The following KCNMA1 variants were observed in gnomAD, a reference collection of about 807,000 sequenced individuals.
KCNMA1 encodes potassium calcium-activated channel subfamily M alpha 1.
KCNMA1 carries 29 observed loss-of-function variants against 140.0 expected under a neutral mutation model. The observed-to-expected ratio is 0.21, with a 90% CI of 0.15 to 0.28. KCNMA1 has a LOEUF of 0.28. Ranked by LOEUF, KCNMA1 falls within the 10% of genes least tolerant of loss-of-function variation. KCNMA1 has a pLI of 1.00. For synonymous variants in KCNMA1, 612 were observed against 611.9 expected, an observed-to-expected ratio of 1.00 and a Z score of 0.00; for missense variants, 880 against 1,602.2, an observed-to-expected ratio of 0.55 and a Z score of 7.70.
chr10:77,248,140 T>C (rs186064644), intron 3 of KCNMA1, among the ~76,000 whole-genome samples: 1 of 152,346 alleles, frequency 6.6e-6, no homozygotes, highest in East Asian at 1.9e-4. Flanking sequence ...AATGATGACC[T>C]TTCTCTGAGC....
At chr10:77,066,882 A>T (rs2095973983) in intron 14 of KCNMA1, among the ~76,000 whole-genome samples, 1 of 152,098 alleles carries the variant, frequency 6.6e-6, no homozygotes, top group Non-Finnish European at 1.5e-5. Flanking sequence ...AGCCACCTCA[A>T]TCCCAGCCTT....
intron 2 of KCNMA1, among the ~76,000 whole-genome samples, chr10:77,278,981 T>A (rs1322746859): frequency 6.6e-6 from 1 of 152,162 alleles, no homozygotes; most frequent in Non-Finnish European, 1.5e-5. Flanking sequence ...ATAGGAATAG[T>A]CCATTTTAGA....
At chr10:77,413,119 A>G (rs968490091) in intron 1 of KCNMA1, among the ~76,000 whole-genome samples, 1 of 152,022 alleles carries the variant, frequency 6.6e-6, no homozygotes, top group Non-Finnish European at 1.5e-5. Context: ...CAGCCTCCCA[A>G]AGTGCTAGGA....
chr10:77,212,452 G>A (rs2046379745), intron 3 of KCNMA1, among the ~76,000 whole-genome samples: 1 of 152,050 alleles, frequency 6.6e-6, no homozygotes, highest in East Asian at 1.9e-4. Flanking sequence ...TACTAGAGAG[G>A]GGAGGGAAAG....
intron 1 of KCNMA1, chr10:77,635,920 C>T (rs146317163): frequency 2.9e-4 from 47 of 161,726 alleles, no homozygotes; most frequent in African/African-American, 1.1e-3. Context: ...GAGAGACAGG[C>T]TCCTTCCCCC....
At chr10:77,487,644 C>T (rs542691988) in intron 1 of KCNMA1, among the ~76,000 whole-genome samples, 2 of 152,254 alleles carry the variant, frequency 1.3e-5, no homozygotes, top group African/African-American at 4.8e-5. Flanking sequence ...TTCCTTGAGG[C>T]AATTTTTCTC....
At chr10:77,401,962 A>G (rs2096282666) in intron 2 of KCNMA1, among the ~76,000 whole-genome samples, 1 of 152,222 alleles carries the variant, frequency 6.6e-6, no homozygotes, top group Non-Finnish European at 1.5e-5. Context: ...TGTTTTCTCC[A>G]GAGCTGAAAC....
intron 5 of KCNMA1, among the ~76,000 whole-genome samples, chr10:77,122,057 T>A (rs2097613990): frequency 6.6e-6 from 1 of 152,178 alleles, no homozygotes; most frequent in Non-Finnish European, 1.5e-5. Context: ...GACAGACAAC[T>A]CCACGCCCGT....
chr10:76,974,977 G>A (rs983504353), intron 19 of KCNMA1, among the ~76,000 whole-genome samples: 1 of 152,080 alleles, frequency 6.6e-6, no homozygotes, highest in African/African-American at 2.4e-5. Flanking sequence ...TCAATCCTTG[G>A]TGATAAACTT....
intron 12 of KCNMA1, among the ~76,000 whole-genome samples, chr10:77,080,651 G>A (rs186103491): frequency 1.4e-3 from 215 of 152,258 alleles, no homozygotes; most frequent in Admixed American, 4.8e-3. Context: ...ATGCATGTGC[G>A]TACTGGGGAG....
intron 9 of KCNMA1, among the ~76,000 whole-genome samples, chr10:77,101,852 C>T (rs891084261): frequency 1.3e-5 from 2 of 152,198 alleles, no homozygotes; most frequent in Middle Eastern, 3.2e-3. Flanking sequence ...GCCTGTGGAT[C>T]GGCCCAAGTC....
At chr10:77,481,951 A>G (rs1309074830) in intron 1 of KCNMA1, among the ~76,000 whole-genome samples, 1 of 152,218 alleles carries the variant, frequency 6.6e-6, no homozygotes, top group Non-Finnish European at 1.5e-5. Flanking sequence ...GTGGGTGAGG[A>G]AACATGAACC....
rs1240788795 is a variant in KCNMA1 at position 77,006,465 on chromosome 10, C to A, written c.2093-4885G>T. ...AATATCCACGGAAGAAAAAGTCCAC[C>A]AGGATTTAAGGTGAGGCCTTTGATG... On this transcript the variant is annotated intron_variant, in intron 18 of 27. Transcript: ENST00000286628. Among the ~76,000 whole-genome samples the A allele has an allele frequency of 3.9e-5, 6 of 152,270 alleles. No individual in the cohort carries two copies. The East Asian group carries it at 1.2e-3, about 29-fold the overall frequency.
intron 2 of KCNMA1, among the ~76,000 whole-genome samples, chr10:77,333,523 G>A (rs1393720369): frequency 1.3e-5 from 2 of 152,100 alleles, no homozygotes; most frequent in Non-Finnish European, 1.5e-5. Flanking sequence ...TAAACGAGTC[G>A]CATGCTTATA....
chr10:77,025,275 T>TATATATAC (rs2093335050), intron 16 of KCNMA1, among the ~76,000 whole-genome samples: 1 of 128,168 alleles, frequency 7.8e-6, no homozygotes, highest in Non-Finnish European at 1.6e-5. Flanking sequence ...TATATATATA[T>TATATATAC]ATATATACAC....
intron 5 of KCNMA1, among the ~76,000 whole-genome samples, chr10:77,124,742 T>A (rs144964212): frequency 4.7e-4 from 72 of 152,324 alleles, no homozygotes; most frequent in African/African-American, 1.7e-3. Context: ...TCAGTCTACA[T>A]TTCATCCTCA....
chr10:76,913,120 G>C (rs1478945399), intron 24 of KCNMA1: 1 of 152,064 alleles, frequency 6.6e-6, no homozygotes, highest in Admixed American at 6.6e-5. Context: ...ATATATTTTT[G>C]GGCCAAGAAA....
At chr10:77,390,380 C>A (rs951447151) in intron 2 of KCNMA1, among the ~76,000 whole-genome samples, 21 of 152,314 alleles carry the variant, frequency 1.4e-4, no homozygotes, top group African/African-American at 4.8e-4. Context: ...ACAGCATAGA[C>A]CAAGGTGAGT....
chr10:77,167,217 A>G (rs1247738026), intron 5 of KCNMA1, among the ~76,000 whole-genome samples: 1 of 152,148 alleles, frequency 6.6e-6, no homozygotes, highest in Non-Finnish European at 1.5e-5. Context: ...GTGAATGAGA[A>G]CACGCAATAT....
Sources: gnomAD v4.1 joint callset for allele counts (sites outside exome capture counted in the v4.1 genomes callset) on GRCh38, gnomAD v4.1.1 for gene constraint, MANE v1.5 for transcripts, NCBI Gene and HGNC (gene_info 2026-07-23, HGNC 2026-07-21) for gene names.